The following SLC22A15 variants were observed in gnomAD, a reference collection of about 807,000 sequenced individuals.
The protein encoded by SLC22A15 is solute carrier family 22 member 15.
Under a neutral mutation model 62.7 loss-of-function variants are expected in SLC22A15, and 45 were observed. That is an observed-to-expected ratio of 0.72 (90% CI 0.56 to 0.92). SLC22A15 has a LOEUF of 0.92. Among genes scored for constraint, SLC22A15 ranks in the 40% least tolerant of loss-of-function variants. The probability of loss-of-function intolerance (pLI) is 0.00; values close to 1 mark genes in which losing one functional copy is unlikely to be tolerated. For synonymous variants in SLC22A15, 264 were observed against 267.0 expected (o/e 0.99, Z 0.11); for missense variants, 622 against 665.6 (o/e 0.93, Z 0.72).
At chr1:116,043,118 T>C (rs948205355) in intron 8 of SLC22A15, among the ~76,000 whole-genome samples, 1 of 152,200 alleles carries the variant, frequency 6.6e-6, no homozygotes, top group Non-Finnish European at 1.5e-5. Flanking sequence ...ATATTTTCAA[T>C]TGAACAGTAA....
At chr1:116,025,737 T>C (rs1657055024) in intron 4 of SLC22A15, among the ~76,000 whole-genome samples, 1 of 152,142 alleles carries the variant, frequency 6.6e-6, no homozygotes. Context: ...TATTTTCCAC[T>C]TCAGTATATG....
chr1:116,062,716 T>C, intron 8 of SLC22A15, 46 bp from the exon 9 acceptor site: 2 of 1,611,230 alleles, frequency 1.2e-6, no homozygotes, highest in South Asian at 2.2e-5. Context: ...TTTAGAGGAA[T>C]TGTTTCAACT....
intron 4 of SLC22A15, among the ~76,000 whole-genome samples, chr1:116,024,469 C>A (rs1656995255): frequency 6.6e-6 from 1 of 152,134 alleles, no homozygotes; most frequent in Admixed American, 6.5e-5. Flanking sequence ...AGGCATAGTA[C>A]TTAAAGGCAT....
In SLC22A15 at chr1:116,067,087, A is replaced by T. The variant is rs758210530; in HGVS notation, c.1623A>T (p.Glu541Asp). Residue 541 changes from glutamate to aspartate, a missense_variant, in exon 12 of 12, where the codon GAA becomes GAT. Glu to Asp is a conservative substitution (Grantham distance 45, BLOSUM62 2). Coordinates refer to ENST00000369503, the MANE Select transcript of SLC22A15 (RefSeq NM_018420.3). ...AGGAAGAATTTTATGATGCAGATGA[A>T]GAGACTCAGATGATCAAGTGAAGAG... ...EEEEEFYDAD[E>D]ETQMIK is the part of the protein sequence containing the mutation. The T allele has an allele frequency of 3.0e-5, 49 of 1,611,670 alleles. No homozygotes were observed. Among genetic ancestry groups the T allele is most frequent in the Non-Finnish European group, 9.3e-6 (11 of 1,179,066 alleles).
intron 11 of SLC22A15, 62 bp downstream of exon 11, chr1:116,066,770 GT>G: frequency 1.4e-6 from 2 of 1,465,426 alleles, no homozygotes; most frequent in Non-Finnish European, 1.8e-6. Context: ...AAAAAAGAAG[GT>G]TTGCGTTAAA....
intron 2 of SLC22A15, among the ~76,000 whole-genome samples, chr1:115,994,649 CATTATT>C (rs1190959462): frequency 6.6e-6 from 1 of 152,096 alleles, no homozygotes; most frequent in Admixed American, 6.6e-5. Flanking sequence ...GCCTCATTAG[CATTATT>C]ATTGTCTCTC....
chr1:115,993,678 T>G (rs979510792), intron 2 of SLC22A15, among the ~76,000 whole-genome samples: 2 of 152,070 alleles, frequency 1.3e-5, no homozygotes, highest in African/African-American at 2.4e-5. Context: ...CAAAGCAGCA[T>G]TTCTGATTGC....
intron 2 of SLC22A15, among the ~76,000 whole-genome samples, chr1:115,995,251 A>G (rs1283354383): frequency 6.6e-6 from 1 of 152,074 alleles, no homozygotes; most frequent in Non-Finnish European, 1.5e-5. Context: ...GTCAGTTACT[A>G]TCTTTCTTTC....
Position 115,992,163 on chromosome 1 carries a change from G to GAC in SLC22A15, c.221_222dup (p.Trp75ThrfsTer4). On this transcript the variant is annotated frameshift_variant, in exon 2 of 12. Transcript: ENST00000369503. LOFTEE classifies it high-confidence loss of function. The stretch of plus-strand genomic sequence containing the variant: ...AGCTGGTGAAGACCAGGCCTTTGGG[G>GAC]ACTGGCTCCTGACAGCCAACGGCAG... 6.2e-7 allele frequency: 1 copy of GAC among 1,612,874 alleles called. No homozygotes were observed. The highest frequency in any genetic ancestry group is 8.5e-7 in the Non-Finnish European group (1 of 1,179,464).
At chr1:116,052,964 G>A (rs1485864266) in intron 8 of SLC22A15, among the ~76,000 whole-genome samples, 3 of 152,100 alleles carry the variant, frequency 2.0e-5, no homozygotes, top group Non-Finnish European at 1.5e-5. Context: ...GGAAAAAACA[G>A]AGCAGAAAAA....
chr1:116,031,598 G>T lies in SLC22A15; in HGVS notation c.944+17G>T. The T allele has an allele frequency of 6.2e-7, 1 of 1,611,262 alleles. No individual in the cohort carries two copies. Among genetic ancestry groups the T allele is most frequent in the Non-Finnish European group, 8.5e-7 (1 of 1,178,062 alleles). On this transcript the variant is annotated intron_variant, in intron 6 of 11. Coordinates refer to ENST00000369503, the MANE Select transcript of SLC22A15 (RefSeq NM_018420.3). Reference sequence around the variant, plus strand: ...GTTCATCTGGTAATTATACTAAGGCGTGTTCTGTTGCTCTTTAACTAAGGT... The same window carrying T: ...GTTCATCTGGTAATTATACTAAGGCTTGTTCTGTTGCTCTTTAACTAAGGT...
chr1:116,014,219 C>T (rs1360423539), intron 2 of SLC22A15: 1 of 152,226 alleles, frequency 6.6e-6, no homozygotes, highest in East Asian at 1.9e-4. Flanking sequence ...CTGGAAGGCA[C>T]TGCATAGCCC....
chr1:116,062,992 G>T, intron 9 of SLC22A15, 110 bp downstream of exon 9: 2 of 1,401,896 alleles, frequency 1.4e-6, no homozygotes, highest in Non-Finnish European at 2.0e-6. Context: ...TTAGTTTGGG[G>T]CAGCAGTAAT....
chr1:116,045,385 T>C lies in SLC22A15; in HGVS notation c.1171+7997T>C, dbSNP rs537260953. Among the ~76,000 whole-genome samples, 775 of 152,092 alleles carry C rather than the reference T, an allele frequency of 5.1e-3. 8 individuals carry two copies. Among genetic ancestry groups the C allele is most frequent in the Non-Finnish European group, 7.8e-3 (530 of 67,976 alleles). On this transcript the variant is annotated intron_variant, in intron 8 of 11. Coordinates refer to ENST00000369503, the MANE Select transcript of SLC22A15 (RefSeq NM_018420.3). ...TTATGGAAATTCAAAGGATCTGGAC[T>C]ATCCAAAATAATTTTATCAAGGAAA...
intron 4 of SLC22A15, among the ~76,000 whole-genome samples, chr1:116,022,103 C>A (rs1384328317): frequency 6.6e-6 from 1 of 152,184 alleles, no homozygotes. Flanking sequence ...AGGGTTGGAC[C>A]AGTTAGAACT....
chr1:116,002,307 A>C (rs1233453385), intron 2 of SLC22A15, among the ~76,000 whole-genome samples: 1 of 152,182 alleles, frequency 6.6e-6, no homozygotes, highest in African/African-American at 2.4e-5. Flanking sequence ...TTGGCATAGT[A>C]CCAGGTCCTG....
rs920328585 is a variant in SLC22A15, at chr1:116,041,837, A to G, written c.1171+4449A>G. Among the ~76,000 whole-genome samples, 9 of 152,238 alleles carry G rather than the reference A, an allele frequency of 5.9e-5. No homozygotes were observed. The East Asian group carries it at 1.5e-3, about 26-fold the overall frequency. On this transcript the variant is annotated intron_variant, in intron 8 of 11. Transcript: ENST00000369503. ...CCACCAGAAAGTGGCAGGCAGAACA[A>G]TCCTTGGATTGTTGAATCCATGAAT...
At chr1:116,048,727 TG>T (rs1427784365) in intron 8 of SLC22A15, among the ~76,000 whole-genome samples, 1 of 151,994 alleles carries the variant, frequency 6.6e-6, no homozygotes, top group Non-Finnish European at 1.5e-5. Context: ...AATAGCACAA[TG>T]AATGCAAGGG....
Position 116,064,474 on chromosome 1 carries a change from TTGG to T in SLC22A15, c.1335_1337del (p.Gly446del), listed in dbSNP as rs1246096226. On this transcript the variant is annotated inframe_deletion, in exon 10 of 12. Transcript: ENST00000369503. ...GGAACTTGTTCCATGTTCTCCCGAGTTGGTGGGATTATTGCTCCCTTCATCCCC... is the reference window on the plus strand; with the variant it reads ...GGAACTTGTTCCATGTTCTCCCGAGTTGGGATTATTGCTCCCTTCATCCCC... The T allele has an allele frequency of 5.6e-6, 9 of 1,613,636 alleles. 2 individuals carry two copies. The South Asian group carries it at 9.9e-5, about 18-fold the overall frequency.
Sources: gnomAD v4.1 joint callset for allele counts (sites outside exome capture counted in the v4.1 genomes callset) on GRCh38, gnomAD v4.1.1 for gene constraint, MANE v1.5 for transcripts, NCBI Gene and HGNC (gene_info 2026-07-23, HGNC 2026-07-21) for gene names.